The following PIK3R5 variants were observed in gnomAD, a reference collection of about 807,000 sequenced individuals.
The protein encoded by PIK3R5 is phosphoinositide-3-kinase regulatory subunit 5, also known as phosphoinositide 3-kinase regulatory subunit 5.
PIK3R5 carries 32 observed loss-of-function variants against 94.9 expected under a neutral mutation model. The observed-to-expected ratio is 0.34, with a 90% CI of 0.25 to 0.45. PIK3R5 has a LOEUF of 0.45. Ranked by LOEUF, PIK3R5 falls within the 20% of genes least tolerant of loss-of-function variation. The pLI, the probability that PIK3R5 is intolerant of heterozygous loss-of-function variation, is 1.00. For synonymous variants in PIK3R5, 443 were observed against 479.4 expected, an observed-to-expected ratio of 0.92 and a Z score of 0.99; for missense variants, 853 against 1,144.6, an observed-to-expected ratio of 0.75 and a Z score of 3.68.
intron 1 of PIK3R5, among the ~76,000 whole-genome samples, chr17:8,923,220 C>A (rs188864577): frequency 1.3e-5 from 2 of 152,156 alleles, no homozygotes; most frequent in Non-Finnish European, 2.9e-5. Context: ...CAAGGACATA[C>A]GGATAGCACA....
chr17:8,946,040 A>C (rs1185023729), intron 1 of PIK3R5, among the ~76,000 whole-genome samples: 2 of 152,204 alleles, frequency 1.3e-5, no homozygotes, highest in Non-Finnish European at 2.9e-5. Context: ...GAGACCCCAG[A>C]CATCACTGAA....
chr17:8,931,604 T>TGTGGGGCAC (rs2090988904), intron 1 of PIK3R5, among the ~76,000 whole-genome samples: 1 of 152,230 alleles, frequency 6.6e-6, no homozygotes, highest in South Asian at 2.1e-4. Context: ...TTTGGAACTC[T>TGTGGGGCAC]ACAAATGGCT....
At chr17:8,946,272 T>C (rs1279360010) in intron 1 of PIK3R5, among the ~76,000 whole-genome samples, 1 of 151,386 alleles carries the variant, frequency 6.6e-6, no homozygotes, top group Non-Finnish European at 1.5e-5. Flanking sequence ...TCAGGTCACA[T>C]GCCCAGAAGC....
intron 1 of PIK3R5, among the ~76,000 whole-genome samples, chr17:8,958,522 T>C (rs1361677037): frequency 6.6e-6 from 1 of 152,168 alleles, no homozygotes; most frequent in African/African-American, 2.4e-5. Flanking sequence ...CTTTTAAAAA[T>C]CCTTACAAAG....
chr17:8,890,040 C>T lies in PIK3R5; in HGVS notation c.744G>A (p.Glu248=), dbSNP rs1346776011. 2 of 1,614,058 alleles carry T rather than the reference C, an allele frequency of 1.2e-6. No homozygotes were observed. The highest frequency in any genetic ancestry group is 1.7e-4 in the Middle Eastern group (1 of 6,060). ...ELASGIGDAA[E]ARRWLRTKLQ... Reference sequence around the variant, plus strand: ...GCTTGGTCCTGAGCCACCGCCGGGCCTCTGCAGCATCCCCGATGCCAGATG... The same window carrying T: ...GCTTGGTCCTGAGCCACCGCCGGGCTTCTGCAGCATCCCCGATGCCAGATG... The change falls in exon 8 of 19, where the codon GAG becomes GAA. Residue 248 remains glutamate, a synonymous_variant. Coordinates refer to ENST00000447110, the MANE Select transcript of PIK3R5 (RefSeq NM_001142633.3). This position sits in a 1 kb window ranked among gnomAD's most constrained non-coding sequence, Gnocchi z 6.1.
At chr17:8,938,171 T>C (rs2091111015) in intron 1 of PIK3R5, among the ~76,000 whole-genome samples, 2 of 152,170 alleles carry the variant, frequency 1.3e-5, no homozygotes, top group South Asian at 4.1e-4. Context: ...TGAAACTTTT[T>C]TGTTTTGGAA....
chr17:8,884,624 A>G lies in PIK3R5; in HGVS notation c.2205+83T>C, dbSNP rs61761117. ...AAAGACTGGGGCCCAGGAACACACGAGTCCAGCTCTGGGTCCAAGCTCTGG... is the reference window on the plus strand; with the variant it reads ...AAAGACTGGGGCCCAGGAACACACGGGTCCAGCTCTGGGTCCAAGCTCTGG... On this transcript the variant is annotated intron_variant, in intron 15 of 18. Transcript: ENST00000447110. This position sits in a 1 kb window ranked among gnomAD's most constrained non-coding sequence, Gnocchi z 5.8. 1 of 1,079,932 alleles carries G rather than the reference A, an allele frequency of 9.3e-7. No individual in the cohort carries two copies. Among genetic ancestry groups the G allele is most frequent in the Non-Finnish European group, 1.4e-6 (1 of 714,210 alleles). 66.9% of individuals were successfully genotyped at this position (1,079,932 alleles called of 1,614,324 possible).
chr17:8,954,148 T>G (rs998717749), intron 1 of PIK3R5, among the ~76,000 whole-genome samples: 11 of 151,910 alleles, frequency 7.2e-5, no homozygotes, highest in African/African-American at 2.7e-4. Context: ...GGCTTGGGAG[T>G]GAGAAAAGGA....
At chr17:8,906,360 C>T (rs1483378660) in intron 3 of PIK3R5, among the ~76,000 whole-genome samples, 3 of 152,150 alleles carry the variant, frequency 2.0e-5, no homozygotes, top group African/African-American at 4.8e-5. Flanking sequence ...TTTTACTATA[C>T]GGTCTCTAAG....
At chr17:8,933,766 C>T (rs1319927865) in intron 1 of PIK3R5, among the ~76,000 whole-genome samples, 3 of 152,236 alleles carry the variant, frequency 2.0e-5, no homozygotes, top group East Asian at 3.9e-4. Flanking sequence ...GAATGCTGTA[C>T]TTGGAAAGTT....
rs1346776011 is a variant in PIK3R5 at position 8,890,040 on chromosome 17, C to G, written c.744G>C (p.Glu248Asp). Residue 248 changes from glutamate (E) to aspartate (D), a missense_variant, in exon 8 of 19, where the codon GAG (glutamate) becomes GAC (aspartate). By Grantham distance (45) the Glu-to-Asp change is conservative. Around this residue, in one of 6 missense-constraint regions of PIK3R5, gnomAD observed 161 missense variants for 249.5 expected, o/e 0.65. Coordinates refer to ENST00000447110, the MANE Select transcript of PIK3R5 (RefSeq NM_001142633.3). The surrounding 1 kb of genome is among the most constrained non-coding windows in gnomAD (Gnocchi z 6.1). ...ELASGIGDAA[E>D]ARRWLRTKLQ... ...GCTTGGTCCTGAGCCACCGCCGGGC[C>G]TCTGCAGCATCCCCGATGCCAGATG... 6.2e-7 allele frequency: 1 copy of G among 1,613,940 alleles called. No individual in the cohort carries two copies. Among genetic ancestry groups the G allele is most frequent in the Non-Finnish European group, 8.5e-7 (1 of 1,180,006 alleles).
intron 1 of PIK3R5, among the ~76,000 whole-genome samples, chr17:8,963,379 GC>G (rs1346493152): frequency 4.6e-5 from 7 of 152,108 alleles, no homozygotes; most frequent in African/African-American, 1.7e-4. Context: ...CCACTCCTCA[GC>G]CAGCAGGCCC....
chr17:8,901,573 A>G (rs747974890), intron 5 of PIK3R5, among the ~76,000 whole-genome samples: 1 of 152,208 alleles, frequency 6.6e-6, no homozygotes, highest in Non-Finnish European at 1.5e-5. Context: ...TTGGGGAATA[A>G]GATTTGGTAC....
At chr17:8,900,963 G>A (rs1465361306) in intron 5 of PIK3R5, among the ~76,000 whole-genome samples, 1 of 152,030 alleles carries the variant, frequency 6.6e-6, no homozygotes, top group Non-Finnish European at 1.5e-5. Context: ...GAATCATTTC[G>A]GTCTTTGGTG....
intron 1 of PIK3R5, among the ~76,000 whole-genome samples, chr17:8,957,723 C>T (rs559005975): frequency 7.2e-5 from 11 of 152,234 alleles, no homozygotes; most frequent in South Asian, 2.1e-4. Context: ...AGATGGCTCT[C>T]GGGCATGAGC....
At chr17:8,886,689 G>A (rs2089867383) in intron 12 of PIK3R5, 84 bp from the exon 13 acceptor site, 1 of 1,449,402 alleles carries the variant, frequency 6.9e-7, no homozygotes, top group African/African-American at 1.4e-5. Context: ...GAGGAAGAGA[G>A]AAGAGAGACA....
chr17:8,879,592 C>T lies in PIK3R5; in HGVS notation c.*1047G>A, dbSNP rs1354082493. ...AGGGTAGGGCCCCTGAGCAGCCCAC[C>T]CCTTACCCTGACGAAGGCAATCCTC... On this transcript the variant is annotated 3_prime_UTR_variant, in exon 19 of 19. Transcript: ENST00000447110. This position sits in a 1 kb window ranked among gnomAD's most constrained non-coding sequence, Gnocchi z 4.4. 1.3e-5 allele frequency: 2 copies of T among 152,224 alleles called. No individual in the cohort carries two copies. The highest frequency in any genetic ancestry group is 1.5e-5 in the Non-Finnish European group (1 of 68,064). The allele number at this position is 152,224 out of a possible 1,614,324, so 9.4% of individuals were successfully genotyped here.
chr17:8,905,827 CTTTCT>C (rs2090383741), intron 3 of PIK3R5, 90 bp from the exon 4 acceptor site: 10 of 645,490 alleles, frequency 1.5e-5, no homozygotes, highest in Non-Finnish European at 2.4e-5. Flanking sequence ...TCATTCTAGC[CTTTCT>C]TTTTTTTTTT....
At position 8,890,708 on chromosome 17, in the gene PIK3R5, C is replaced by T. The variant is rs1298449987; in HGVS notation, c.657+30G>A. On this transcript the variant is annotated intron_variant, in intron 7 of 18. Coordinates refer to ENST00000447110, the MANE Select transcript of PIK3R5 (RefSeq NM_001142633.3). The surrounding 1 kb of genome is among the most constrained non-coding windows in gnomAD (Gnocchi z 6.1). ...GGTGCTACCTCCTCAGAGAGGTGCT[C>T]CACCAGAGCCCCAGGCCCCAGGTAC... The T allele has an allele frequency of 1.3e-6, 2 of 1,579,142 alleles. No homozygotes were observed. The highest frequency in any genetic ancestry group is 4.6e-5 in the East Asian group (2 of 43,834).
Sources: gnomAD v4.1 joint callset for allele counts (sites outside exome capture counted in the v4.1 genomes callset) on GRCh38, gnomAD v4.1.1 for gene constraint, gnomAD v4.1.1 regional missense constraint, Gnocchi (gnomAD v3.1) non-coding constraint, MANE v1.5 for transcripts, NCBI Gene and HGNC (gene_info 2026-07-23, HGNC 2026-07-21) for gene names.